KAT8: variants seen among roughly 807,000 people sequenced by gnomAD.
KAT8 encodes the protein lysine acetyltransferase 8, also known as histone acetyltransferase KAT8.
In KAT8, 40 loss-of-function variants were observed where a neutral mutation model predicts 62.9. The ratio of observed to expected loss-of-function variants is 0.64; its 90% confidence interval spans 0.49 to 0.83. The LOEUF (loss-of-function observed/expected upper bound fraction) is 0.83. Among genes scored for constraint, KAT8 ranks in the 40% least tolerant of loss-of-function variants. The pLI is 0.00. For synonymous variants in KAT8, 278 were observed against 254.5 expected (o/e 1.09, Z -0.88); for missense variants, 387 against 614.8 (o/e 0.63, Z 3.92).
At chr16:31,120,538 G>A (rs1264024308) in intron 3 of KAT8, 24 bp downstream of exon 3, 2 of 1,583,248 alleles carry the variant, frequency 1.3e-6, no homozygotes, top group South Asian at 2.2e-5. Context: ...CCCATCCACG[G>A]GCCCAGGAGG....
chr16:31,126,110 G>T, intron 3 of KAT8: 1 of 152,378 alleles, frequency 6.6e-6, no homozygotes, highest in Non-Finnish European at 1.5e-5. Context: ...AAGCATCATG[G>T]ACTCACCTGA....
rs764903190 is a variant in KAT8 at position 31,120,431 on chromosome 16, C to G, written c.379C>G (p.Leu127Val). 1.9e-6 allele frequency: 3 copies of G among 1,614,006 alleles called. No individual in the cohort carries two copies. Among genetic ancestry groups the G allele is most frequent in the African/African-American group, 2.7e-5 (2 of 75,048 alleles). The change falls in exon 3 of 11, where the codon CTG (leucine) becomes GTG (valine). Residue 127 changes from leucine (L) to valine (V), a missense_variant. Coordinates refer to ENST00000219797, the MANE Select transcript of KAT8 (RefSeq NM_032188.3). ...DAVQKNSEKY[L>V]SELAEQPERK... ...TGTACAGAAGAACTCAGAGAAGTACCTGAGCGAGCTCGCAGAGCAGCCTGA... is the reference window on the plus strand; with the variant it reads ...TGTACAGAAGAACTCAGAGAAGTACGTGAGCGAGCTCGCAGAGCAGCCTGA...
At chr16:31,126,745 A>G (rs2057534150) in intron 3 of KAT8, 5 of 411,216 alleles carry the variant, frequency 1.2e-5, no homozygotes, top group East Asian at 8.6e-5. Context: ...ATTGCCCCCC[A>G]TCGTGCAGCT....
chr16:31,128,703 G>T (rs2143990208), intron 6 of KAT8, among the ~76,000 whole-genome samples: 1 of 152,336 alleles, frequency 6.6e-6, no homozygotes, highest in South Asian at 2.1e-4. Flanking sequence ...AGATTTTCTT[G>T]CCTGAGGCTG....
chr16:31,124,902 G>T (rs572318967), intron 3 of KAT8, among the ~76,000 whole-genome samples: 1 of 151,932 alleles, frequency 6.6e-6, no homozygotes, highest in African/African-American at 2.4e-5. Flanking sequence ...GCTGGTGGGC[G>T]CCTGTAATCC....
intron 3 of KAT8, among the ~76,000 whole-genome samples, chr16:31,121,758 A>G (rs916166008): frequency 3.4e-5 from 5 of 145,146 alleles, no homozygotes; most frequent in Non-Finnish European, 6.1e-5. Flanking sequence ...TATTATTGTT[A>G]TTTTTTTTTT....
chr16:31,120,699 G>C, intron 3 of KAT8, 185 bp downstream of exon 3: 1 of 578,518 alleles, frequency 1.7e-6, no homozygotes, highest in Non-Finnish European at 3.0e-6. Flanking sequence ...CAGAGGGTAA[G>C]GGCTTCGCTG....
intron 4 of KAT8, 32 bp from the exon 5 acceptor site, chr16:31,127,157 T>C (rs1417900644): frequency 6.2e-7 from 1 of 1,609,620 alleles, no homozygotes; most frequent in South Asian, 1.1e-5. Flanking sequence ...TGCTGAGCCG[T>C]GCACTGTGCC....
chr16:31,131,351 G>A lies in KAT8; in HGVS notation c.*92G>A, dbSNP rs947843525. 6 of 1,464,878 alleles carry A rather than the reference G, an allele frequency of 4.1e-6. No individual in the cohort carries two copies. The highest frequency in any genetic ancestry group is 2.8e-5 in the African/African-American group (2 of 70,994). 90.7% of individuals were successfully genotyped at this position (1,464,878 alleles called of 1,614,324 possible). Reference sequence around the variant, plus strand: ...TTTTGTCATTTTTTTAATAAAGTCAGTTCTGGTGGCCCTGGACTTTGGAGG... The same window carrying A: ...TTTTGTCATTTTTTTAATAAAGTCAATTCTGGTGGCCCTGGACTTTGGAGG... On this transcript the variant is annotated 3_prime_UTR_variant, in exon 11 of 11. Transcript: ENST00000219797.
At chr16:31,118,033 C>T (rs976749752) in intron 1 of KAT8, 141 bp downstream of exon 1, 8 of 639,172 alleles carry the variant, frequency 1.3e-5, no homozygotes, top group African/African-American at 1.1e-4. Flanking sequence ...GAGGAAAGAA[C>T]GCCGCGTTCC....
intron 3 of KAT8, chr16:31,122,212 G>A (rs2057499973): frequency 6.6e-6 from 1 of 152,174 alleles, no homozygotes; most frequent in Non-Finnish European, 1.5e-5. Flanking sequence ...TTCTTTAAAT[G>A]GAAGAAAGAA....
At chr16:31,121,085 T>TTGCGTG (rs2057489429) in intron 3 of KAT8, 2 of 143,060 alleles carry the variant, frequency 1.4e-5, no homozygotes, top group African/African-American at 5.2e-5. Context: ...TAAATGGTTT[T>TTGCGTG]TGTGTGTGTG....
chr16:31,120,169 G>C lies in KAT8; in HGVS notation c.212-17G>C. The C allele has an allele frequency of 6.2e-7, 1 of 1,611,982 alleles. No homozygotes were observed. On this transcript the variant is annotated splice_polypyrimidine_tract_variant and intron_variant, in intron 1 of 10. Coordinates refer to ENST00000219797, the MANE Select transcript of KAT8 (RefSeq NM_032188.3). ...CAGCCTTACCTTCCTGATGACCCTAGCCTTTTTCCATCACAGATTCTGCTG... is the reference window on the plus strand; with the variant it reads ...CAGCCTTACCTTCCTGATGACCCTACCCTTTTTCCATCACAGATTCTGCTG...
chr16:31,123,957 A>T (rs1001751118), intron 3 of KAT8: 1 of 152,212 alleles, frequency 6.6e-6, no homozygotes, highest in African/African-American at 2.4e-5. Flanking sequence ...GCCAGTGGTG[A>T]TAAAATCAAA....
intron 3 of KAT8, chr16:31,125,527 C>T (rs1425818689): frequency 7.0e-6 from 1 of 143,854 alleles, no homozygotes. Flanking sequence ...TTGCTTGAAC[C>T]TGGGAGGCGG....
intron 3 of KAT8, chr16:31,125,513 A>C (rs1449546161): frequency 6.8e-6 from 1 of 147,834 alleles, no homozygotes; most frequent in Non-Finnish European, 1.5e-5. Context: ...CTGAGGCAGG[A>C]GAATTGCTTG....
At chr16:31,127,599 C>T (rs1244123530) in intron 5 of KAT8, among the ~76,000 whole-genome samples, 1 of 152,194 alleles carries the variant, frequency 6.6e-6, no homozygotes, top group East Asian at 1.9e-4. Flanking sequence ...CAGTAACTCA[C>T]CCCCTTCAGG....
Position 31,128,070 on chromosome 16 carries a change from G to A in KAT8, c.702G>A (p.Gln234=). 1 of 1,613,846 alleles carries A rather than the reference G, an allele frequency of 6.2e-7. No homozygotes were observed. Among genetic ancestry groups the A allele is most frequent in the Non-Finnish European group, 8.5e-7 (1 of 1,179,890 alleles). The part of the protein sequence containing the change: ...RFHLGQCQWR[Q]PPGKEIYRKS... ...ACCAGGGTCAGTGCCAGTGGCGGCAGCCCCCCGGGAAAGAGATCTACCGCA... is the reference window on the plus strand; with the variant it reads ...ACCAGGGTCAGTGCCAGTGGCGGCAACCCCCCGGGAAAGAGATCTACCGCA... Residue 234 remains glutamine, a synonymous_variant, in exon 6 of 11, where the codon CAG becomes CAA. Transcript: ENST00000219797.
chr16:31,124,723 C>G (rs2057520946), intron 3 of KAT8, among the ~76,000 whole-genome samples: 1 of 100,530 alleles, frequency 9.9e-6, no homozygotes, highest in African/African-American at 3.9e-5. Flanking sequence ...CAGGGCGAGG[C>G]TCCATTTCAA....
Sources: allele counts gnomAD v4.1 joint callset (sites outside exome capture counted in the v4.1 genomes callset), GRCh38; gene constraint gnomAD v4.1.1; transcripts MANE v1.5; gene names NCBI Gene and HGNC (gene_info 2026-07-23, HGNC 2026-07-21).